PATJ: variants seen among roughly 807,000 people sequenced by gnomAD.
PATJ encodes the protein inaD-like protein.
Under a neutral mutation model 224.9 loss-of-function variants are expected in PATJ, and 190 were observed. The observed-to-expected ratio is 0.84, with a 90% confidence interval of 0.75 to 0.95. The LOEUF (loss-of-function observed/expected upper bound fraction) is 0.95, where lower values mean the gene tolerates loss of function less well. Among genes scored for constraint, PATJ ranks in the 40% least tolerant of loss-of-function variants. The probability of loss-of-function intolerance (pLI) is 0.00; values close to 1 mark genes in which losing one functional copy is unlikely to be tolerated. For synonymous variants in PATJ, 769 were observed against 820.3 expected, an observed-to-expected ratio of 0.94 and a Z score of 1.07; for missense variants, 2,121 against 2,270.3, an observed-to-expected ratio of 0.93 and a Z score of 1.34.
chr1:61,746,738 A>G (rs568593805), intron 1 of PATJ, among the ~76,000 whole-genome samples: 1 of 150,526 alleles, frequency 6.6e-6, no homozygotes, highest in East Asian at 1.9e-4. Context: ...TGTAACTATA[A>G]AGCTAACATA....
chr1:62,017,007 A>G (rs1646805535), intron 28 of PATJ, among the ~76,000 whole-genome samples: 1 of 152,258 alleles, frequency 6.6e-6, no homozygotes, highest in African/African-American at 2.4e-5. Context: ...AAGTTTAGCA[A>G]AAGGATAAAG....
At chr1:61,794,183 T>C (rs1200542868) in intron 9 of PATJ, among the ~76,000 whole-genome samples, 1 of 152,130 alleles carries the variant, frequency 6.6e-6, no homozygotes, top group African/African-American at 2.4e-5. Flanking sequence ...ATTACAGGCG[T>C]GAGCCACTGT....
intron 27 of PATJ, among the ~76,000 whole-genome samples, chr1:61,961,695 G>A (rs966887360): frequency 3.3e-5 from 5 of 152,226 alleles, no homozygotes; most frequent in East Asian, 3.9e-4. Flanking sequence ...AGGGCTGGGC[G>A]CGGTGGCTCG....
intron 26 of PATJ, among the ~76,000 whole-genome samples, chr1:61,916,154 C>T (rs1052121015): frequency 6.6e-6 from 1 of 151,802 alleles, no homozygotes; most frequent in Non-Finnish European, 1.5e-5. Context: ...TAACATTATT[C>T]TTTTAAAACA....
At chr1:61,952,455 G>A (rs537446714) in intron 27 of PATJ, 8 of 716,918 alleles carry the variant, frequency 1.1e-5, no homozygotes, top group Non-Finnish European at 2.1e-5. Context: ...CTTTCGGAAT[G>A]CAATCTGATG....
chr1:61,931,111 G>A (rs965817726), intron 27 of PATJ, among the ~76,000 whole-genome samples: 5 of 152,196 alleles, frequency 3.3e-5, no homozygotes, highest in African/African-American at 7.2e-5. Flanking sequence ...TTATAGGCGT[G>A]AGCCATCACA....
rs556646638 is a variant in PATJ, at chr1:62,071,041, C to T, written c.4126-8409C>T. 8.5e-5 allele frequency among the ~76,000 whole-genome samples: 13 copies of T among 152,048 alleles called. No homozygotes were observed. In the South Asian group the frequency reaches 1.7e-3, roughly 20 times the overall value. On this transcript the variant is annotated intron_variant, in intron 31 of 43. Coordinates refer to ENST00000642238, the MANE Select transcript of PATJ (RefSeq NM_001350145.3). ...TGTGAACATGCCTAGGAAAGAGACCCGAGGCAGGGGATGTCAGATTCAATT... is the reference window on the plus strand; with the variant it reads ...TGTGAACATGCCTAGGAAAGAGACCTGAGGCAGGGGATGTCAGATTCAATT...
intron 27 of PATJ, among the ~76,000 whole-genome samples, chr1:61,933,188 C>A (rs1165819215): frequency 1.3e-5 from 2 of 152,078 alleles, no homozygotes; most frequent in Non-Finnish European, 2.9e-5. Context: ...TCAAAGGTTG[C>A]AGGATTTGTC....
intron 6 of PATJ, among the ~76,000 whole-genome samples, chr1:61,772,226 C>T (rs1557616388): frequency 6.9e-6 from 1 of 145,378 alleles, no homozygotes. Flanking sequence ...GTCTTGTATT[C>T]CTTGGTGATG....
At chr1:61,991,461 AT>A in intron 28 of PATJ, 5 of 983,114 alleles carry the variant, frequency 5.1e-6, no homozygotes, top group Non-Finnish European at 6.0e-6. Context: ...CTGATTTTGC[AT>A]TTTACGATTT....
At chr1:61,795,797 A>G (rs1312851148) in intron 10 of PATJ, among the ~76,000 whole-genome samples, 1 of 151,748 alleles carries the variant, frequency 6.6e-6, no homozygotes, top group Non-Finnish European at 1.5e-5. Flanking sequence ...TATTTTTTCT[A>G]TACATGTATG....
chr1:62,083,808 A>C (rs905619008), intron 32 of PATJ, among the ~76,000 whole-genome samples: 1 of 152,206 alleles, frequency 6.6e-6, no homozygotes, highest in Non-Finnish European at 1.5e-5. Context: ...TCTAATTGAA[A>C]GTATTTAGGC....
intron 26 of PATJ, among the ~76,000 whole-genome samples, chr1:61,924,061 A>G (rs1447879521): frequency 6.6e-6 from 1 of 151,756 alleles, no homozygotes; most frequent in Non-Finnish European, 1.5e-5. Context: ...GAGTGAAAGA[A>G]TAGGCAATCA....
intron 7 of PATJ, among the ~76,000 whole-genome samples, chr1:61,787,053 C>T (rs1424913012): frequency 3.3e-5 from 5 of 152,150 alleles, no homozygotes; most frequent in East Asian, 1.9e-4. Context: ...TTCTGAACAC[C>T]CCAACTGTGA....
intron 31 of PATJ, among the ~76,000 whole-genome samples, chr1:62,063,181 G>A (rs1205747223): frequency 6.6e-6 from 1 of 152,102 alleles, no homozygotes; most frequent in East Asian, 1.9e-4. Flanking sequence ...TAACTTTTAT[G>A]TATGGTACTA....
intron 10 of PATJ, among the ~76,000 whole-genome samples, chr1:61,796,409 A>T (rs1651108904): frequency 6.6e-6 from 1 of 152,230 alleles, no homozygotes; most frequent in South Asian, 2.1e-4. Context: ...GAATAGAGGG[A>T]TGAAGTATTA....
At chr1:61,964,161 A>G (rs1393180862) in intron 27 of PATJ, among the ~76,000 whole-genome samples, 1 of 145,776 alleles carries the variant, frequency 6.9e-6, no homozygotes, top group African/African-American at 2.5e-5. Flanking sequence ...AGCTCATTGT[A>G]TCGTCTGCCT....
At chr1:61,873,475 T>G (rs962080250) in intron 20 of PATJ, among the ~76,000 whole-genome samples, 4 of 152,186 alleles carry the variant, frequency 2.6e-5, no homozygotes. Context: ...GGCAATAAAA[T>G]TTTTTAAAAT....
rs559684595 is a variant in PATJ, at chr1:62,154,044, T to C, written c.5502+563T>C. Among the ~76,000 whole-genome samples the C allele has an allele frequency of 3.9e-5, 6 of 152,186 alleles. No individual in the cohort carries two copies. The South Asian group carries it at 1.2e-3, about 32-fold the overall frequency. On this transcript the variant is annotated intron_variant, in intron 43 of 43. Coordinates refer to ENST00000642238, the MANE Select transcript of PATJ (RefSeq NM_001350145.3). ...CTCAGTAGCTAGGACTACAGGCGCA[T>C]GCCACCACGCCTGGCTAATTTTTGT...
Sources: gnomAD v4.1 joint callset for allele counts (sites outside exome capture counted in the v4.1 genomes callset) on GRCh38, gnomAD v4.1.1 for gene constraint, MANE v1.5 for transcripts, NCBI Gene and HGNC (gene_info 2026-07-23, HGNC 2026-07-21) for gene names.